SIK3: variants seen among roughly 807,000 people sequenced by gnomAD.
The protein encoded by SIK3 is SIK family kinase 3, also known as serine/threonine-protein kinase SIK3.
A neutral mutation model predicts 144.2 loss-of-function variants in SIK3; 28 were observed. The ratio of observed to expected loss-of-function variants is 0.19; its 90% CI spans 0.14 to 0.27. The LOEUF (loss-of-function observed/expected upper bound fraction) is 0.27, where lower values mean the gene tolerates loss of function less well. SIK3 is among the 10% of genes least tolerant of loss of function. The pLI, the probability that SIK3 is intolerant of heterozygous loss-of-function variation, is 1.00. For synonymous variants in SIK3, 686 were observed against 676.3 expected (o/e 1.01, Z -0.22); for missense variants, 1,319 against 1,776.0 (o/e 0.74, Z 4.62).
chr11:116,941,093 G>A (rs529588349), intron 3 of SIK3, among the ~76,000 whole-genome samples: 24 of 152,090 alleles, frequency 1.6e-4, no homozygotes, highest in African/African-American at 5.3e-4. Flanking sequence ...TGCAAGCTCC[G>A]CCTCCTGGGT....
intron 1 of SIK3, among the ~76,000 whole-genome samples, chr11:117,090,099 C>A (rs529974554): frequency 3.3e-5 from 5 of 152,326 alleles, no homozygotes; most frequent in Admixed American, 6.5e-5. Flanking sequence ...GTTGAGACTT[C>A]TCAAGGACAT....
Position 116,847,420 on chromosome 11 carries a change from G to C in SIK3, c.3952+56C>G, listed in dbSNP as rs1942061164. On this transcript the variant is annotated intron_variant, in intron 23 of 24. Coordinates refer to ENST00000445177, the MANE Select transcript of SIK3 (RefSeq NM_001366686.3). ...GAAGAGAGGAGCAGTTACGGAAGAT[G>C]GAGGGAGGCCCCTCCAGGAACTTCT... 3.7e-6 allele frequency: 6 copies of C among 1,609,304 alleles called. No homozygotes were observed. The African/African-American group carries it at 8.0e-5, about 22-fold the overall frequency.
Position 116,867,747 on chromosome 11 carries a change from C to G in SIK3, c.1952+199G>C, listed in dbSNP as rs1943723451. On this transcript the variant is annotated intron_variant, in intron 15 of 24. Transcript: ENST00000445177. The surrounding 1 kb of genome is among the most constrained non-coding windows in gnomAD (Gnocchi z 4.1). Reference sequence around the variant, plus strand: ...CTGCAAGGTAATGGGAGAGAGGAATCTCGCATTGCTCCAGGGCGCAGTAAA... The same window carrying G: ...CTGCAAGGTAATGGGAGAGAGGAATGTCGCATTGCTCCAGGGCGCAGTAAA... 2.2e-6 allele frequency: 1 copy of G among 445,066 alleles called. No homozygotes were observed. The highest frequency in any genetic ancestry group is 3.9e-6 in the Non-Finnish European group (1 of 254,288). The allele number at this position is 445,066 out of a possible 1,614,324, so 27.6% of individuals were successfully genotyped here. A position where few individuals can be genotyped will look rare whatever the true frequency, so the allele number is the denominator to read the frequency against.
chr11:116,905,333 C>T (rs1366931433), intron 4 of SIK3, among the ~76,000 whole-genome samples: 1 of 152,230 alleles, frequency 6.6e-6, no homozygotes, highest in Non-Finnish European at 1.5e-5. Flanking sequence ...GGACATTCCA[C>T]ATTTTATTTA....
At chr11:117,023,621 A>AAAAATATATATATATATATATATATAT (rs754624841) in intron 1 of SIK3, among the ~76,000 whole-genome samples, 4 of 95,410 alleles carry the variant, frequency 4.2e-5, no homozygotes, top group Non-Finnish European at 8.4e-5. Context: ...AAAAAAAAAA[A>AAAAATATATATATATATATATATATAT]ATATATATAT....
intron 6 of SIK3, among the ~76,000 whole-genome samples, chr11:116,892,122 C>T (rs555687956): frequency 2.6e-5 from 4 of 152,192 alleles, no homozygotes; most frequent in Admixed American, 6.5e-5. Flanking sequence ...CGCCCTAGAT[C>T]GAGAGGTCTG....
chr11:116,983,324 G>T (rs933985042), intron 1 of SIK3, among the ~76,000 whole-genome samples: 2 of 151,474 alleles, frequency 1.3e-5, no homozygotes, highest in African/African-American at 4.9e-5. Context: ...TTGAGGTCAG[G>T]AGTTCGAGAC....
intron 4 of SIK3, among the ~76,000 whole-genome samples, chr11:116,905,902 C>T (rs1158796686): frequency 6.6e-6 from 1 of 152,202 alleles, no homozygotes; most frequent in African/African-American, 2.4e-5. Context: ...TTCTCCCATT[C>T]TGTGGACTTT....
At chr11:116,927,518 A>G in intron 3 of SIK3, 138 bp from the exon 4 acceptor site, 1 of 702,492 alleles carries the variant, frequency 1.4e-6, no homozygotes, top group Non-Finnish European at 2.4e-6. Context: ...CAACACATTG[A>G]TAGTCCTGGT....
chr11:117,098,308 G>A lies in SIK3; in HGVS notation c.108C>T (p.Ala36=), dbSNP rs1278970882. The change falls in exon 1 of 25, where the codon GCC becomes GCT. Residue 36 remains alanine (A), a synonymous_variant. Transcript: ENST00000445177. ...CCGCAGGGGACACGGCAGCGGGGGC[G>A]GCTGGGGACCCCGGCGCGGGCGGAG... The part of the protein sequence containing the change: ...LLPPPAPGSP[A]APAAVSPAAG... The A allele has an allele frequency of 2.6e-6, 3 of 1,170,010 alleles. No individual in the cohort carries two copies. The African/African-American group carries it at 4.9e-5, about 19-fold the overall frequency. The allele number at this position is 1,170,010 out of a possible 1,614,324, so 72.5% of individuals were successfully genotyped here.
intron 1 of SIK3, among the ~76,000 whole-genome samples, chr11:117,054,356 C>CA (rs1421017898): frequency 6.6e-6 from 1 of 152,170 alleles, no homozygotes; most frequent in East Asian, 1.9e-4. Flanking sequence ...CAGTAGTCTG[C>CA]ATATACTGTA....
At chr11:116,847,806 G>C (rs776993832) in intron 22 of SIK3, among the ~76,000 whole-genome samples, 198 bp from the exon 23 acceptor site, 12 of 152,156 alleles carry the variant, frequency 7.9e-5, no homozygotes, top group East Asian at 3.9e-4. Flanking sequence ...CTGCCCAGTG[G>C]GGGGGCTGAG....
At chr11:116,922,948 G>A (rs138349576) in intron 4 of SIK3, among the ~76,000 whole-genome samples, 4,031 of 115,022 alleles carry the variant, frequency 0.035, 206 homozygotes, top group African/African-American at 0.12. Context: ...ATGGAGTCTC[G>A]CTCTCTCACC....
chr11:116,976,062 C>CTTTTTACTATTGAGTTATAAAAGT (rs1189117702), intron 1 of SIK3, among the ~76,000 whole-genome samples: 2 of 152,136 alleles, frequency 1.3e-5, no homozygotes, highest in African/African-American at 4.8e-5. Flanking sequence ...AATTATTAGA[C>CTTTTTACTATTGAGTTATAAAAGT]TTTTTACTAT....
chr11:117,030,229 C>T (rs1212526748), intron 1 of SIK3, among the ~76,000 whole-genome samples: 2 of 152,114 alleles, frequency 1.3e-5, no homozygotes, highest in East Asian at 1.9e-4. Context: ...AAGATGCCCA[C>T]GTCGTGACAC....
intron 1 of SIK3, among the ~76,000 whole-genome samples, chr11:116,998,381 G>A (rs536800761): frequency 6.6e-6 from 1 of 150,942 alleles, no homozygotes; most frequent in East Asian, 2.0e-4. Flanking sequence ...TGAGGCAGGA[G>A]AATCACTTGA....
At chr11:116,927,466 C>T in intron 3 of SIK3, 86 bp from the exon 4 acceptor site, 1 of 1,340,898 alleles carries the variant, frequency 7.5e-7, no homozygotes, top group Non-Finnish European at 1.0e-6. Context: ...TACAAGGGGC[C>T]CTCTCGAGTG....
At chr11:117,057,639 T>G (rs1953598488) in intron 1 of SIK3, among the ~76,000 whole-genome samples, 1 of 152,114 alleles carries the variant, frequency 6.6e-6, no homozygotes, top group Non-Finnish European at 1.5e-5. Flanking sequence ...ACAAAAAACA[T>G]TACACAGTTA....
intron 1 of SIK3, among the ~76,000 whole-genome samples, chr11:116,992,185 C>T (rs773051611): frequency 1.1e-4 from 17 of 151,778 alleles, no homozygotes; most frequent in Middle Eastern, 3.4e-3. Context: ...ATTAGCCAGG[C>T]GTGGTGGTGG....
Sources: gnomAD v4.1 joint callset for allele counts (sites outside exome capture counted in the v4.1 genomes callset) on GRCh38, gnomAD v4.1.1 for gene constraint, Gnocchi (gnomAD v3.1) non-coding constraint, MANE v1.5 for transcripts, NCBI Gene and HGNC (gene_info 2026-07-23, HGNC 2026-07-21) for gene names.